The following FAM3D variants were observed in gnomAD, a reference collection of about 807,000 sequenced individuals.
FAM3D encodes protein FAM3D.
A neutral mutation model predicts 29.8 loss-of-function variants in FAM3D; 26 were observed. That is an observed-to-expected ratio of 0.87 (90% CI 0.64 to 1.21). The LOEUF (loss-of-function observed/expected upper bound fraction) is 1.21, where lower values mean the gene tolerates loss of function less well. Among genes scored for constraint, FAM3D ranks in the 50% most tolerant of loss-of-function variants. The pLI, the probability that FAM3D is intolerant of heterozygous loss-of-function variation, is 0.00. For synonymous variants in FAM3D, 115 were observed against 102.3 expected (o/e 1.12, Z -0.75); for missense variants, 253 against 290.9 (o/e 0.87, Z 0.95).
chr3:58,665,038 G>T (rs74611345), intron 1 of FAM3D, among the ~76,000 whole-genome samples: 1 of 152,202 alleles, frequency 6.6e-6, no homozygotes, highest in African/African-American at 2.4e-5. Context: ...GAGGAAGTTA[G>T]GCCCCTGGGT....
chr3:58,640,494 G>C (rs1224419161), intron 6 of FAM3D, among the ~76,000 whole-genome samples: 2 of 152,146 alleles, frequency 1.3e-5, no homozygotes, highest in African/African-American at 4.8e-5. Context: ...CTGTACAATG[G>C]GTTGTGGGAA....
At chr3:58,651,056 G>A (rs1431112082) in intron 3 of FAM3D, among the ~76,000 whole-genome samples, 1 of 152,178 alleles carries the variant, frequency 6.6e-6, no homozygotes, top group Non-Finnish European at 1.5e-5. Flanking sequence ...AACTTTCTAG[G>A]CACAGGGGTT....
chr3:58,646,704 C>T (rs901807682), intron 4 of FAM3D, among the ~76,000 whole-genome samples: 2 of 152,230 alleles, frequency 1.3e-5, no homozygotes, highest in African/African-American at 4.8e-5. Flanking sequence ...CCAGTGTGTG[C>T]TTTGGAGCAA....
intron 9 of FAM3D, 60 bp downstream of exon 9, chr3:58,636,234 C>T: frequency 2.5e-6 from 4 of 1,576,004 alleles, no homozygotes; most frequent in Non-Finnish European, 2.6e-6. Context: ...TGACTCCTTC[C>T]TACCACCACC....
chr3:58,638,043 C>G (rs562203608), intron 7 of FAM3D, among the ~76,000 whole-genome samples: 1 of 152,270 alleles, frequency 6.6e-6, no homozygotes, highest in South Asian at 2.1e-4. Flanking sequence ...CGCCGCCATG[C>G]CTGGCTAATT....
chr3:58,638,034 G>A (rs187585293), intron 7 of FAM3D, among the ~76,000 whole-genome samples: 56 of 152,268 alleles, frequency 3.7e-4, no homozygotes, highest in African/African-American at 1.2e-3. Flanking sequence ...ACAGGCATGC[G>A]CCGCCATGCC....
At position 58,634,516 on chromosome 3, in the gene FAM3D, G is replaced by T. The variant is rs1371572294; in HGVS notation, c.586-148C>A. ...ATGGGGAAACTGAGGCTCAGAGAGG[G>T]GATGCAACTTGCTCAAGATCTCAGA... On this transcript the variant is annotated intron_variant, in intron 9 of 9. Coordinates refer to ENST00000358781, the MANE Select transcript of FAM3D (RefSeq NM_138805.3). The surrounding 1 kb of genome is among the most constrained non-coding windows in gnomAD (Gnocchi z 4.6). 7 of 647,056 alleles carry T rather than the reference G, an allele frequency of 1.1e-5. No individual in the cohort carries two copies. The highest frequency in any genetic ancestry group is 2.9e-4 in the Middle Eastern group (1 of 3,506). 40.1% of individuals were successfully genotyped at this position (647,056 alleles called of 1,614,324 possible). A position where few individuals can be genotyped will look rare whatever the true frequency, so the allele number is the denominator to read the frequency against.
intron 1 of FAM3D, among the ~76,000 whole-genome samples, chr3:58,664,265 G>A (rs200779402): frequency 1.3e-5 from 2 of 152,212 alleles, no homozygotes; most frequent in Non-Finnish European, 1.5e-5. Context: ...CCCTCCATAT[G>A]CGTTGCCCAG....
At chr3:58,642,339 T>C (rs35376083) in intron 6 of FAM3D, among the ~76,000 whole-genome samples, 22,726 of 152,212 alleles carry the variant, frequency 0.15, 1,841 homozygotes, top group Non-Finnish European at 0.18. Flanking sequence ...AGGCTTTCTC[T>C]GGAGTGAAGT....
chr3:58,664,406 C>T (rs1390406462), intron 1 of FAM3D, among the ~76,000 whole-genome samples: 3 of 111,982 alleles, frequency 2.7e-5, no homozygotes, highest in South Asian at 3.6e-4. Flanking sequence ...CTTCCTGAGA[C>T]AGTGTCTAAT....
rs747456703 is a variant in FAM3D, at chr3:58,634,410, G to T, written c.586-42C>A. 6.3e-7 allele frequency: 1 copy of T among 1,578,018 alleles called. No individual in the cohort carries two copies. The highest frequency in any genetic ancestry group is 8.7e-7 in the Non-Finnish European group (1 of 1,150,754). ...CAGAGAAATATAGGCAGTGAGTGAG[G>T]CTGTTCAGAACTCATGCCCACATGG... is the stretch of plus-strand genomic sequence containing the variant. On this transcript the variant is annotated intron_variant, in intron 9 of 9. Coordinates refer to ENST00000358781, the MANE Select transcript of FAM3D (RefSeq NM_138805.3). The surrounding 1 kb of genome is among the most constrained non-coding windows in gnomAD (Gnocchi z 4.6).
At chr3:58,665,750 C>T (rs2067017900) in intron 1 of FAM3D, among the ~76,000 whole-genome samples, 1 of 152,184 alleles carries the variant, frequency 6.6e-6, no homozygotes, top group South Asian at 2.1e-4. Context: ...GGCTCTCCGT[C>T]TGCAGAGTGG....
At position 58,637,191 on chromosome 3, in the gene FAM3D, A is replaced by C. The variant is rs772787589; in HGVS notation, c.408T>G (p.Ile136Met). The change falls in exon 8 of 10, where the codon ATT becomes ATG. Residue 136 changes from isoleucine to methionine, a missense_variant. Ile to Met is a conservative substitution (Grantham distance 10, BLOSUM62 1). Coordinates refer to ENST00000358781, the MANE Select transcript of FAM3D (RefSeq NM_138805.3). ...CCACCAGCACCAGTGCACCCCCCGG[A>C]ATTTCTTTAAGGAATTTCACTAGGT... The part of the protein sequence containing the change: ...VMHLVKFLKE[I>M]PGGALVLVAS... The C allele has an allele frequency of 1.2e-6, 2 of 1,613,846 alleles. No homozygotes were observed. Among genetic ancestry groups the C allele is most frequent in the Non-Finnish European group, 1.7e-6 (2 of 1,179,954 alleles).
intron 4 of FAM3D, among the ~76,000 whole-genome samples, chr3:58,647,025 G>A (rs987181308): frequency 6.6e-6 from 1 of 152,150 alleles, no homozygotes; most frequent in Non-Finnish European, 1.5e-5. Context: ...GAGCACCTTT[G>A]AGTAGGTAAA....
chr3:58,656,492 T>A (rs368248139), intron 1 of FAM3D, among the ~76,000 whole-genome samples: 19 of 151,526 alleles, frequency 1.3e-4, no homozygotes, highest in African/African-American at 4.4e-4. Context: ...CAGGGCAGGG[T>A]CATCTTTCTC....
intron 1 of FAM3D, among the ~76,000 whole-genome samples, chr3:58,660,801 C>G (rs1405046932): frequency 6.6e-6 from 1 of 152,186 alleles, no homozygotes; most frequent in African/African-American, 2.4e-5. Flanking sequence ...AGATACTACC[C>G]TGAGACTCTG....
chr3:58,655,550 C>T lies in FAM3D; in HGVS notation c.13+1G>A. On this transcript the variant is annotated splice_donor_variant, in intron 2 of 9. Transcript: ENST00000358781. LOFTEE classifies it high-confidence loss of function. ...ACTCCAAAACCAATTTCAGAGCCTA[C>T]CTGACACTCTCATCCTGTCCAGGTG... 6.2e-7 allele frequency: 1 copy of T among 1,613,662 alleles called. No individual in the cohort carries two copies. Among genetic ancestry groups the T allele is most frequent in the Non-Finnish European group, 8.5e-7 (1 of 1,179,742 alleles).
rs1197432901 is a variant in FAM3D, at chr3:58,643,730, A to G, written c.264-10T>C. On this transcript the variant is annotated splice_polypyrimidine_tract_variant and intron_variant, in intron 5 of 9. Transcript: ENST00000358781. Reference sequence around the variant, plus strand: ...CACAGGACTCATGATCCTGAAGACAATGAAGAAGAAATATGACAGTCGGTC... The same window carrying G: ...CACAGGACTCATGATCCTGAAGACAGTGAAGAAGAAATATGACAGTCGGTC... 4.3e-6 allele frequency: 7 copies of G among 1,613,918 alleles called. No individual in the cohort carries two copies. The highest frequency in any genetic ancestry group is 3.3e-5 in the Admixed American group (2 of 60,030).
At chr3:58,645,084 G>C (rs2066437450) in intron 5 of FAM3D, among the ~76,000 whole-genome samples, 1 of 152,200 alleles carries the variant, frequency 6.6e-6, no homozygotes, top group Non-Finnish European at 1.5e-5. Context: ...GGAAGCCCTG[G>C]TGCCTGCTAT....
Sources: gnomAD v4.1 joint callset for allele counts (sites outside exome capture counted in the v4.1 genomes callset) on GRCh38, gnomAD v4.1.1 for gene constraint, Gnocchi (gnomAD v3.1) non-coding constraint, MANE v1.5 for transcripts, NCBI Gene and HGNC (gene_info 2026-07-23, HGNC 2026-07-21) for gene names.